Variants in MOSPD1 observed in about 807,000 individuals in gnomAD.
MOSPD1 encodes motile sperm domain-containing protein 1.
In MOSPD1, 5 loss-of-function variants were observed where a neutral mutation model predicts 16.7. The ratio of observed to expected loss-of-function variants is 0.30; its 90% CI spans 0.16 to 0.63. The LOEUF is 0.63. Among genes scored for constraint, MOSPD1 ranks in the 30% least tolerant of loss-of-function variants. The pLI is 0.82. For synonymous variants in MOSPD1, 67 were observed against 59.2 expected (o/e 1.13, Z -0.61); for missense variants, 104 against 153.6 (o/e 0.68, Z 1.71).
chrX:134,899,235 G>C, intron 2 of MOSPD1, 45 bp downstream of exon 2: 1 of 1,174,093 alleles, frequency 8.5e-7, no homozygotes, highest in Non-Finnish European at 1.1e-6. Flanking sequence ...TAAAAAATTA[G>C]TAGGGACCAG....
chrX:134,905,877 C>A (rs183056360), intron 1 of MOSPD1, among the ~76,000 whole-genome samples: 2 of 112,195 alleles, frequency 1.8e-5, no homozygotes, highest in African/African-American at 6.5e-5. Context: ...GTTCATAAAT[C>A]TGACTGGGAA....
chrX:134,896,857 A>T lies in MOSPD1; in HGVS notation c.408T>A (p.His136Gln), dbSNP rs1210399681. Residue 136 changes from histidine to glutamine, a missense_variant, in exon 4 of 6, where the codon CAT becomes CAA. By Grantham distance (24) the His-to-Gln change is conservative. Transcript: ENST00000370783. Reference protein sequence around the residue: ...KEEEEKRLKEHLTESLFFEQS... With the variant: ...KEEEEKRLKEQLTESLFFEQS... Reference sequence around the variant, plus strand: ...GCTCAAAAAATAAACTTTCAGTTAAATGTTCCTTTAATCTTTTTTCCTCTT... The same window carrying T: ...GCTCAAAAAATAAACTTTCAGTTAATTGTTCCTTTAATCTTTTTTCCTCTT... 5.0e-6 allele frequency: 6 copies of T among 1,211,466 alleles called. No individual in the cohort carries two copies. The highest frequency in any genetic ancestry group is 6.7e-6 in the Non-Finnish European group (6 of 895,206).
intron 1 of MOSPD1, among the ~76,000 whole-genome samples, chrX:134,909,519 T>A (rs1442940876): frequency 1.8e-5 from 2 of 111,668 alleles, no homozygotes; most frequent in African/African-American, 6.5e-5. Flanking sequence ...CCTTCTTCCA[T>A]ACTCTGTGCA....
chrX:134,906,001 T>C (rs906087453), intron 1 of MOSPD1, among the ~76,000 whole-genome samples: 1 of 111,453 alleles, frequency 9.0e-6, no homozygotes, highest in Non-Finnish European at 1.9e-5. Flanking sequence ...AATAATGGCA[T>C]AGTAGAAATT....
intron 1 of MOSPD1, among the ~76,000 whole-genome samples, chrX:134,906,319 G>T (rs1427276922): frequency 3.8e-5 from 4 of 106,143 alleles, no homozygotes; most frequent in Non-Finnish European, 7.7e-5. Flanking sequence ...GCTGGGAATA[G>T]AGGTGCACGC....
At chrX:134,907,988 G>A (rs1203387254) in intron 1 of MOSPD1, among the ~76,000 whole-genome samples, 2 of 112,224 alleles carry the variant, frequency 1.8e-5, no homozygotes, top group Non-Finnish European at 1.9e-5. Context: ...GTCCAGGCTG[G>A]TCTTGAACTC....
intron 1 of MOSPD1, among the ~76,000 whole-genome samples, chrX:134,902,860 A>C (rs1423670692): frequency 9.1e-6 from 1 of 109,724 alleles, no homozygotes; most frequent in Non-Finnish European, 1.9e-5. Context: ...AAAAAAAAAA[A>C]AAACCAAAAA....
At chrX:134,911,392 G>C (rs1179243135) in intron 1 of MOSPD1, among the ~76,000 whole-genome samples, 2 of 112,435 alleles carry the variant, frequency 1.8e-5, no homozygotes, top group Non-Finnish European at 3.7e-5. Flanking sequence ...ATTCAACCAG[G>C]TGACTAGGAT....
intron 1 of MOSPD1, among the ~76,000 whole-genome samples, chrX:134,914,183 T>C (rs766377678): frequency 8.9e-6 from 1 of 112,275 alleles, no homozygotes; most frequent in African/African-American, 3.2e-5. Context: ...ACACAATTTT[T>C]CACGTTTGAG....
intron 1 of MOSPD1, among the ~76,000 whole-genome samples, chrX:134,901,377 G>A (rs1190636516): frequency 2.7e-5 from 3 of 111,232 alleles, no homozygotes; most frequent in Non-Finnish European, 3.8e-5. Context: ...GGCCGGGCGC[G>A]GTGGCTCACA....
At chrX:134,891,905 G>A (rs976157755) in intron 4 of MOSPD1, among the ~76,000 whole-genome samples, 2 of 111,595 alleles carry the variant, frequency 1.8e-5, no homozygotes, top group East Asian at 5.6e-4. Flanking sequence ...CAACTCCCCC[G>A]ACCATCCCAC....
intron 5 of MOSPD1, among the ~76,000 whole-genome samples, chrX:134,890,490 GAC>G (rs928926970): frequency 3.6e-5 from 4 of 110,376 alleles, no homozygotes; most frequent in African/African-American, 1.3e-4. Flanking sequence ...AAGGGAGAGA[GAC>G]AATCAAGATG....
intron 1 of MOSPD1, among the ~76,000 whole-genome samples, chrX:134,911,061 G>C (rs894455721): frequency 8.9e-6 from 1 of 112,016 alleles, no homozygotes; most frequent in Non-Finnish European, 1.9e-5. Flanking sequence ...ATAAGGTCTC[G>C]CTATGTTGCC....
intron 3 of MOSPD1, 25 bp downstream of exon 3, chrX:134,899,065 T>C (rs1222968467): frequency 1.8e-6 from 2 of 1,109,496 alleles, no homozygotes; most frequent in Admixed American, 4.9e-5. Context: ...TTAAAACGTG[T>C]TACCAGGAAT....
intron 5 of MOSPD1, 120 bp downstream of exon 5, chrX:134,891,359 G>T: frequency 1.5e-6 from 1 of 673,772 alleles, no homozygotes; most frequent in Non-Finnish European, 2.2e-6. Context: ...ACCTCAATAT[G>T]CTCTTGAAGC....
chrX:134,893,355 G>A (rs369245401), intron 4 of MOSPD1, among the ~76,000 whole-genome samples: 22 of 92,619 alleles, frequency 2.4e-4, no homozygotes, highest in African/African-American at 9.4e-4. Context: ...TGACAAGTAC[G>A]CCATTCACTG....
At position 134,915,169 on chromosome X, in the gene MOSPD1, G is replaced by C. The variant is rs1301668850; in HGVS notation, c.-102+13C>G. 3 of 112,621 alleles carry C rather than the reference G, an allele frequency of 2.7e-5. No individual in the cohort carries two copies. The Admixed American group carries it at 2.8e-4, about 11-fold the overall frequency. The allele number at this position is 112,621 out of a possible 1,213,427, so 9.3% of individuals were successfully genotyped here. A position where few individuals can be genotyped will look rare whatever the true frequency, so the allele number is the denominator to read the frequency against. On this transcript the variant is annotated intron_variant, in intron 1 of 5. Coordinates refer to ENST00000370783, the MANE Select transcript of MOSPD1 (RefSeq NM_019556.3). Reference sequence around the variant, plus strand: ...CAGAGGAAGTGGGTGACGGGACGGTGGGGGACTCTCACCTCGGCAACACCG... The same window carrying C: ...CAGAGGAAGTGGGTGACGGGACGGTCGGGGACTCTCACCTCGGCAACACCG...
intron 2 of MOSPD1, 42 bp from the exon 3 acceptor site, chrX:134,899,207 T>C (rs200722163): frequency 1.9e-5 from 22 of 1,171,917 alleles, no homozygotes; most frequent in Non-Finnish European, 2.5e-5. Context: ...TTTTTTTTTT[T>C]TAATTAGTTT....
intron 1 of MOSPD1, among the ~76,000 whole-genome samples, chrX:134,905,224 C>A (rs1306893806): frequency 9.2e-6 from 1 of 109,245 alleles, no homozygotes; most frequent in Non-Finnish European, 1.9e-5. Context: ...ATACACCACG[C>A]CAGGCGTGGT....
Sources: allele counts gnomAD v4.1 joint callset (sites outside exome capture counted in the v4.1 genomes callset), GRCh38; gene constraint gnomAD v4.1.1; transcripts MANE v1.5; gene names NCBI Gene and HGNC (gene_info 2026-07-23, HGNC 2026-07-21).